KLF12: variants seen among roughly 807,000 people sequenced by gnomAD.
KLF12 encodes Krueppel-like factor 12.
KLF12 carries 9 observed loss-of-function variants against 37.8 expected under a neutral mutation model. That is an observed-to-expected ratio of 0.24 (90% CI 0.14 to 0.42). The LOEUF (loss-of-function observed/expected upper bound fraction) is 0.42. Among genes scored for constraint, KLF12 ranks in the 10% least tolerant of loss-of-function variants. KLF12 has a pLI of 1.00. For missense variants in KLF12, 411 were observed against 516.0 expected, an observed-to-expected ratio of 0.80 and a Z score of 1.97; for synonymous variants, 208 against 202.1, an observed-to-expected ratio of 1.03 and a Z score of -0.25.
intron 3 of KLF12, among the ~76,000 whole-genome samples, chr13:73,853,804 C>T (rs114487020): frequency 3.3e-3 from 502 of 151,184 alleles, no homozygotes; most frequent in African/African-American, 0.012. Context: ...CATTTTTAAA[C>T]GGGAACATAA....
At chr13:74,084,543 A>G (rs1028500895) in intron 1 of KLF12, among the ~76,000 whole-genome samples, 1 of 152,220 alleles carries the variant, frequency 6.6e-6, no homozygotes, top group African/African-American at 2.4e-5. Flanking sequence ...AATAATCACT[A>G]GAATGTATTG....
At chr13:74,071,513 C>A (rs975393565) in intron 1 of KLF12, among the ~76,000 whole-genome samples, 5 of 120,112 alleles carry the variant, frequency 4.2e-5, no homozygotes, top group African/African-American at 8.5e-5. Flanking sequence ...AGTGAAACCC[C>A]GTCTCTACTA....
At chr13:73,713,792 A>G (rs1046906188) in intron 7 of KLF12, among the ~76,000 whole-genome samples, 6 of 152,218 alleles carry the variant, frequency 3.9e-5, no homozygotes, top group Non-Finnish European at 8.8e-5. Flanking sequence ...TTCACTGTTC[A>G]TCACTTGGGT....
At chr13:73,917,308 C>A (rs77291742) in intron 3 of KLF12, among the ~76,000 whole-genome samples, 2 of 152,170 alleles carry the variant, frequency 1.3e-5, no homozygotes, top group African/African-American at 2.4e-5. Context: ...GGTACTACCC[C>A]CTCTGCCTAG....
At chr13:74,183,478 C>T in the KLF12 span, among the ~76,000 whole-genome samples, 184 of 152,264 alleles carry the variant, frequency 1.2e-3, no homozygotes, top group African/African-American at 4.1e-3. Context: ...TTGACCAACA[C>T]TCAGAAAACA....
At chr13:74,160,569 A>G in the KLF12 span, among the ~76,000 whole-genome samples, 2 of 152,190 alleles carry the variant, frequency 1.3e-5, no homozygotes, top group Non-Finnish European at 1.5e-5. Context: ...GTAAGTATCA[A>G]ATGAGCCACA....
chr13:74,045,493 TGTGGTATGCTAG>T (rs745942873), intron 1 of KLF12, among the ~76,000 whole-genome samples: 60 of 152,126 alleles, frequency 3.9e-4, no homozygotes, highest in Non-Finnish European at 5.6e-4. Flanking sequence ...CAAAACCTAA[TGTGGTATGCTAG>T]ACAGGATCCT....
intron 3 of KLF12, among the ~76,000 whole-genome samples, chr13:73,881,022 A>G (rs545369149): frequency 4.6e-5 from 7 of 152,328 alleles, no homozygotes; most frequent in Admixed American, 3.9e-4. Context: ...AAATGCACCT[A>G]TTCACAATCA....
chr13:74,082,171 A>AAAAAAAAAAAAAAAAAAAAAAAAAC, intron 1 of KLF12, among the ~76,000 whole-genome samples: 1 of 150,614 alleles, frequency 6.6e-6, no homozygotes, highest in African/African-American at 2.4e-5. Flanking sequence ...CTTAAAAAAA[A>AAAAAAAAAAAAAAAAAAAAAAAAAC]AAAAAAACAA....
the KLF12 span, among the ~76,000 whole-genome samples, chr13:74,248,426 G>A: frequency 1.6e-4 from 25 of 152,314 alleles, no homozygotes; most frequent in African/African-American, 3.6e-4. Flanking sequence ...AGGTGGAGAC[G>A]TTGGTTCTAA....
intron 1 of KLF12, among the ~76,000 whole-genome samples, chr13:74,090,785 T>C (rs1875605782): frequency 6.6e-6 from 1 of 152,156 alleles, no homozygotes; most frequent in South Asian, 2.1e-4. Flanking sequence ...CTTCTCATTC[T>C]GTAGGTTCTC....
chr13:73,997,179 C>T (rs574834082), intron 1 of KLF12, among the ~76,000 whole-genome samples: 2 of 152,144 alleles, frequency 1.3e-5, no homozygotes, highest in Non-Finnish European at 2.9e-5. Flanking sequence ...CTTTAAGTAG[C>T]ACAAATGAAG....
chr13:73,913,749 T>G (rs1004560257), intron 3 of KLF12, among the ~76,000 whole-genome samples: 1 of 152,234 alleles, frequency 6.6e-6, no homozygotes, highest in African/African-American at 2.4e-5. Flanking sequence ...TAGAAAGCAC[T>G]TTTTAAATAT....
At chr13:73,945,277 TG>T (rs1890369379) in intron 2 of KLF12, among the ~76,000 whole-genome samples, 1 of 152,190 alleles carries the variant, frequency 6.6e-6, no homozygotes, top group Non-Finnish European at 1.5e-5. Flanking sequence ...GAGACCAGCC[TG>T]GCCAACACGG....
chr13:73,956,409 A>G (rs1890834381), intron 2 of KLF12, among the ~76,000 whole-genome samples: 1 of 152,180 alleles, frequency 6.6e-6, no homozygotes, highest in Admixed American at 6.5e-5. Flanking sequence ...ACAGACATTT[A>G]CACCAGATAA....
chr13:73,908,718 G>A (rs1189008439), intron 3 of KLF12, among the ~76,000 whole-genome samples: 1 of 152,064 alleles, frequency 6.6e-6, no homozygotes, highest in South Asian at 2.1e-4. Context: ...GACCTCAGGT[G>A]ATCTGCCCGC....
chr13:73,712,061 G>A (rs555958426), intron 7 of KLF12, among the ~76,000 whole-genome samples: 12 of 152,238 alleles, frequency 7.9e-5, no homozygotes, highest in African/African-American at 2.4e-4. Context: ...AAGTGGAGCC[G>A]GGCGCGGTGG....
At chr13:74,223,645 C>T in the KLF12 span, among the ~76,000 whole-genome samples, 1 of 152,180 alleles carries the variant, frequency 6.6e-6, no homozygotes, top group Admixed American at 6.5e-5. Context: ...AAGCTCAGGG[C>T]AGTCAGTTCC....
intron 6 of KLF12, among the ~76,000 whole-genome samples, chr13:73,734,618 T>TG (rs201890746): frequency 1.2e-3 from 178 of 149,286 alleles, no homozygotes; most frequent in African/African-American, 4.2e-3. Context: ...CTTCCTTTTT[T>TG]GGGGGGGTGG....
Sources: allele counts gnomAD v4.1 joint callset (sites outside exome capture counted in the v4.1 genomes callset), GRCh38; gene constraint gnomAD v4.1.1; transcripts MANE v1.5; gene names NCBI Gene and HGNC (gene_info 2026-07-23, HGNC 2026-07-21).